Variants in GPC6 observed in about 807,000 individuals in gnomAD.
GPC6 encodes the protein glypican-6.
A neutral mutation model predicts 55.2 loss-of-function variants in GPC6; 14 were observed. The ratio of observed to expected loss-of-function variants is 0.25; its 90% CI spans 0.17 to 0.40. The LOEUF (loss-of-function observed/expected upper bound fraction) is 0.40. Ranked by LOEUF, GPC6 falls within the 10% of genes least tolerant of loss-of-function variation. The pLI, the probability that GPC6 is intolerant of heterozygous loss-of-function variation, is 1.00. For missense variants in GPC6, 641 were observed against 708.5 expected (o/e 0.90, Z 1.08); for synonymous variants, 278 against 259.6 (o/e 1.07, Z -0.68).
chr13:93,866,783 C>A (rs1279205812), intron 3 of GPC6, among the ~76,000 whole-genome samples: 1 of 151,568 alleles, frequency 6.6e-6, no homozygotes, highest in Non-Finnish European at 1.5e-5. Context: ...GGCTAAATAC[C>A]TGGGTGATGC....
chr13:93,718,536 G>A (rs192941471), intron 2 of GPC6, among the ~76,000 whole-genome samples: 75 of 151,748 alleles, frequency 4.9e-4, no homozygotes, highest in African/African-American at 1.7e-3. Context: ...TTGCAAAAAT[G>A]TTCTCCCATT....
At chr13:93,663,830 TA>T (rs1881026528) in intron 2 of GPC6, among the ~76,000 whole-genome samples, 2 of 152,174 alleles carry the variant, frequency 1.3e-5, no homozygotes, top group Admixed American at 1.3e-4. Context: ...TAAAAATGCA[TA>T]AAATGAAGTG....
chr13:93,503,640 T>G (rs562028995), intron 1 of GPC6, among the ~76,000 whole-genome samples: 1 of 152,218 alleles, frequency 6.6e-6, no homozygotes, highest in African/African-American at 2.4e-5. Flanking sequence ...TATATCGGAA[T>G]CTACTACTGG....
chr13:93,873,812 A>T (rs886292466), intron 3 of GPC6, among the ~76,000 whole-genome samples: 35 of 151,968 alleles, frequency 2.3e-4, no homozygotes, highest in African/African-American at 8.4e-4. Context: ...GTAAGGCCTC[A>T]CTATCCATGA....
At chr13:94,270,195 TTACTA>T (rs1197349660) in intron 4 of GPC6, among the ~76,000 whole-genome samples, 3 of 152,210 alleles carry the variant, frequency 2.0e-5, no homozygotes, top group African/African-American at 7.2e-5. Context: ...TAAAATGTGT[TTACTA>T]TACTTTGTTC....
intron 1 of GPC6, among the ~76,000 whole-genome samples, chr13:93,319,372 T>C (rs1879352841): frequency 6.6e-6 from 1 of 151,968 alleles, no homozygotes; most frequent in Non-Finnish European, 1.5e-5. Flanking sequence ...AAAAAGGAAA[T>C]TGGAGAAACT....
At chr13:94,320,160 T>C (rs985475381) in intron 6 of GPC6, among the ~76,000 whole-genome samples, 1 of 152,240 alleles carries the variant, frequency 6.6e-6, no homozygotes, top group Non-Finnish European at 1.5e-5. Flanking sequence ...AATTATTTTA[T>C]TTGGCATTAA....
intron 1 of GPC6, among the ~76,000 whole-genome samples, chr13:93,520,923 A>C (rs756596364): frequency 6.6e-6 from 1 of 151,934 alleles, no homozygotes; most frequent in African/African-American, 2.4e-5. Flanking sequence ...GGAACTGATG[A>C]GGTGAGCCAA....
At chr13:94,326,340 A>T (rs1403436771) in intron 6 of GPC6, among the ~76,000 whole-genome samples, 3 of 152,134 alleles carry the variant, frequency 2.0e-5, no homozygotes, top group African/African-American at 7.2e-5. Flanking sequence ...GCACAAAGTT[A>T]AGATTTATGG....
At chr13:93,719,345 A>T (rs1450404727) in intron 2 of GPC6, among the ~76,000 whole-genome samples, 1 of 151,978 alleles carries the variant, frequency 6.6e-6, no homozygotes. Flanking sequence ...CTTTGTAGCA[A>T]TTGAGAATGG....
intron 4 of GPC6, among the ~76,000 whole-genome samples, chr13:94,099,817 T>C (rs956470325): frequency 6.6e-6 from 1 of 152,242 alleles, no homozygotes; most frequent in African/African-American, 2.4e-5. Flanking sequence ...TTGTATATTA[T>C]GTTTAATGTT....
At chr13:93,667,046 T>C (rs1427933611) in intron 2 of GPC6, among the ~76,000 whole-genome samples, 1 of 152,186 alleles carries the variant, frequency 6.6e-6, no homozygotes, top group Non-Finnish European at 1.5e-5. Flanking sequence ...AGTTTACATG[T>C]GTTCAGTCTG....
chr13:94,310,543 T>A (rs1431505190), intron 6 of GPC6, among the ~76,000 whole-genome samples: 1 of 152,188 alleles, frequency 6.6e-6, no homozygotes, highest in East Asian at 1.9e-4. Context: ...CCCAGAGGAC[T>A]GTGTGGCGGA....
intron 3 of GPC6, among the ~76,000 whole-genome samples, chr13:93,876,263 C>A (rs1340369827): frequency 1.3e-5 from 2 of 151,598 alleles, no homozygotes; most frequent in Non-Finnish European, 2.9e-5. Context: ...TCTAGGGAAG[C>A]CATGATTTTG....
chr13:94,162,848 A>G (rs1009525272), intron 4 of GPC6, among the ~76,000 whole-genome samples: 1 of 152,130 alleles, frequency 6.6e-6, no homozygotes, highest in Non-Finnish European at 1.5e-5. Context: ...AGTAAGTTAA[A>G]TTCAGTATTA....
chr13:94,000,715 G>A (rs6492685), intron 3 of GPC6, among the ~76,000 whole-genome samples: 30,691 of 152,098 alleles, frequency 0.2, 3,467 homozygotes, highest in East Asian at 0.39. Context: ...AAAAAAGATA[G>A]TCACCTTGCA....
chr13:93,454,040 C>T (rs991333720), intron 1 of GPC6, among the ~76,000 whole-genome samples: 6 of 151,614 alleles, frequency 4.0e-5, no homozygotes, highest in African/African-American at 1.2e-4. Context: ...AAAGGTTCTC[C>T]GTGTCCCCAC....
At chr13:94,186,678 T>C (rs1397812579) in intron 4 of GPC6, among the ~76,000 whole-genome samples, 2 of 152,236 alleles carry the variant, frequency 1.3e-5, no homozygotes, top group African/African-American at 4.8e-5. Context: ...AATGACGAGT[T>C]GGCTATATTT....
At chr13:94,367,530 G>T (rs1286783855) in intron 6 of GPC6, among the ~76,000 whole-genome samples, 1 of 152,154 alleles carries the variant, frequency 6.6e-6, no homozygotes, top group African/African-American at 2.4e-5. Flanking sequence ...AACCTGAACA[G>T]CAGTAGGAAG....
Sources: allele counts gnomAD v4.1 joint callset (sites outside exome capture counted in the v4.1 genomes callset), GRCh38; gene constraint gnomAD v4.1.1; transcripts MANE v1.5; gene names NCBI Gene and HGNC (gene_info 2026-07-23, HGNC 2026-07-21).